Variants in SEMA6D observed in about 807,000 individuals in gnomAD.
SEMA6D encodes the protein semaphorin 6D.
A neutral mutation model predicts 106.6 loss-of-function variants in SEMA6D; 35 were observed. The ratio of observed to expected loss-of-function variants is 0.33; its 90% CI spans 0.25 to 0.44. The LOEUF (loss-of-function observed/expected upper bound fraction) is 0.44, where lower values mean the gene tolerates loss of function less well. Ranked by LOEUF, SEMA6D falls within the 20% of genes least tolerant of loss-of-function variation. The pLI is 1.00. For synonymous variants in SEMA6D, 499 were observed against 487.7 expected (o/e 1.02, Z -0.31); for missense variants, 1,185 against 1,345.9 (o/e 0.88, Z 1.87).
intron 3 of SEMA6D, among the ~76,000 whole-genome samples, chr15:47,567,702 T>C (rs1445831455): frequency 1.3e-5 from 2 of 152,204 alleles, no homozygotes; most frequent in Non-Finnish European, 1.5e-5. Flanking sequence ...TTACAGTATA[T>C]GCTTATTGCT....
At chr15:47,686,550 G>A (rs564027671) in intron 4 of SEMA6D, among the ~76,000 whole-genome samples, 1 of 152,152 alleles carries the variant, frequency 6.6e-6, no homozygotes, top group Non-Finnish European at 1.5e-5. Context: ...ATAAACAAAA[G>A]ATAGCACACA....
intron 3 of SEMA6D, among the ~76,000 whole-genome samples, chr15:47,499,068 C>A (rs1207534451): frequency 2.6e-5 from 4 of 152,116 alleles, no homozygotes; most frequent in Admixed American, 2.6e-4. Context: ...CCTTGCTGAT[C>A]ACTCTCTATG....
At chr15:47,277,907 C>A (rs1012235201) in intron 1 of SEMA6D, among the ~76,000 whole-genome samples, 3 of 151,256 alleles carry the variant, frequency 2.0e-5, no homozygotes, top group African/African-American at 4.9e-5. Context: ...ATGATGATTT[C>A]CAATTTCATC....
chr15:47,392,921 C>T (rs1443305029), intron 1 of SEMA6D, among the ~76,000 whole-genome samples: 3 of 152,030 alleles, frequency 2.0e-5, no homozygotes, highest in East Asian at 1.9e-4. Flanking sequence ...GAGAGAGACT[C>T]CTGTCCTGCA....
Position 47,474,607 on chromosome 15 carries a change from T to C in SEMA6D, c.-87+4062T>C, listed in dbSNP as rs2042951142. Reference sequence around the variant, plus strand: ...ACTCATATGTGCAGCATCCCTCTAGTAGGTACTGACTTATTAAAGCCATTT... The same window carrying C: ...ACTCATATGTGCAGCATCCCTCTAGCAGGTACTGACTTATTAAAGCCATTT... On this transcript the variant is annotated intron_variant, in intron 3 of 19. Coordinates refer to the SEMA6D transcript ENST00000558014. Among the ~76,000 whole-genome samples the C allele has an allele frequency of 4.6e-5, 7 of 152,314 alleles. No homozygotes were observed. In the South Asian group the frequency reaches 1.4e-3, roughly 32 times the overall value.
intron 3 of SEMA6D, among the ~76,000 whole-genome samples, chr15:47,575,803 A>G (rs947253459): frequency 6.6e-6 from 1 of 152,184 alleles, no homozygotes; most frequent in Admixed American, 6.5e-5. Flanking sequence ...TAAAAAATCA[A>G]TAAAACATTG....
chr15:47,241,698 GA>G lies in SEMA6D; in HGVS notation c.-239+57293del, dbSNP rs79852968. Among the ~76,000 whole-genome samples the G allele has an allele frequency of 6.2e-3, 836 of 135,440 alleles. 3 individuals are homozygous for G. The highest frequency in any genetic ancestry group is 7.4e-3 in the South Asian group (31 of 4,200). The allele number at this position is 135,440 out of a possible 152,430, so 88.9% of individuals were successfully genotyped here. A position where few individuals can be genotyped will look rare whatever the true frequency, so the allele number is the denominator to read the frequency against. On this transcript the variant is annotated intron_variant, in intron 1 of 19. Transcript: ENST00000558014. Reference sequence around the variant, plus strand: ...GGAAGGAGGGAAGAAGAAAACGATGGAAAAAAAAAAAAACCTCTTAAAAATC... The same window carrying G: ...GGAAGGAGGGAAGAAGAAAACGATGGAAAAAAAAAAAACCTCTTAAAAATC...
intron 2 of SEMA6D, among the ~76,000 whole-genome samples, chr15:47,452,085 C>A (rs1048948122): frequency 4.6e-5 from 7 of 151,924 alleles, no homozygotes; most frequent in South Asian, 2.1e-4. Flanking sequence ...TGGATAACTC[C>A]CCTACTAACC....
At chr15:47,294,851 G>T (rs1201888624) in intron 1 of SEMA6D, among the ~76,000 whole-genome samples, 1 of 152,186 alleles carries the variant, frequency 6.6e-6, no homozygotes, top group Non-Finnish European at 1.5e-5. Context: ...AATTGACAAA[G>T]ATGGAGATGA....
At chr15:47,274,123 C>G (rs1595601672) in intron 1 of SEMA6D, 1 of 152,120 alleles carries the variant, frequency 6.6e-6, no homozygotes. Context: ...AAAATGTTGT[C>G]TTGCACATCA....
rs185926930 is a variant in SEMA6D, at chr15:47,192,248, T to A, written c.-239+7830T>A. On this transcript the variant is annotated intron_variant, in intron 1 of 19. Transcript: ENST00000558014. ...AAATGGAGAACATCAGAAAGGAACT[T>A]CCATTGACACTCACTGCCACATCTA... Among the ~76,000 whole-genome samples the A allele has an allele frequency of 1.2e-3, 189 of 152,270 alleles. 1 individual carries two copies. Among genetic ancestry groups the A allele is most frequent in the African/African-American group, 4.4e-3 (183 of 41,548 alleles).
chr15:47,206,849 C>G (rs1337939347), intron 1 of SEMA6D, among the ~76,000 whole-genome samples: 1 of 152,090 alleles, frequency 6.6e-6, no homozygotes, highest in Non-Finnish European at 1.5e-5. Context: ...TCACAGCAAG[C>G]TGCTCCCACT....
At chr15:47,404,672 C>T (rs1434915609) in intron 1 of SEMA6D, among the ~76,000 whole-genome samples, 1 of 152,118 alleles carries the variant, frequency 6.6e-6, no homozygotes, top group Non-Finnish European at 1.5e-5. Flanking sequence ...TTCTTTTTCT[C>T]CAGTATCATC....
chr15:47,324,509 T>G (rs918239121), intron 1 of SEMA6D, among the ~76,000 whole-genome samples: 2 of 152,030 alleles, frequency 1.3e-5, no homozygotes, highest in Non-Finnish European at 2.9e-5. Flanking sequence ...CAGCACTCCA[T>G]AGGGAAAATG....
chr15:47,260,097 ATATT>A (rs2034001787), intron 1 of SEMA6D, among the ~76,000 whole-genome samples: 1 of 150,914 alleles, frequency 6.6e-6, no homozygotes, highest in African/African-American at 2.4e-5. Flanking sequence ...TTTCTACTTT[ATATT>A]TGTTTCAAGA....
intron 3 of SEMA6D, among the ~76,000 whole-genome samples, chr15:47,547,733 C>A (rs2045566756): frequency 6.6e-6 from 1 of 152,052 alleles, no homozygotes. Flanking sequence ...CTTAGAAAAC[C>A]AGCCACGTTG....
intron 4 of SEMA6D, among the ~76,000 whole-genome samples, chr15:47,708,737 C>T (rs1167675156): frequency 2.0e-5 from 3 of 152,260 alleles, no homozygotes; most frequent in East Asian, 3.9e-4. Context: ...AATAAAGTTA[C>T]ATGGTGAGAT....
intron 1 of SEMA6D, among the ~76,000 whole-genome samples, chr15:47,312,146 G>T (rs200187211): frequency 7.0e-6 from 1 of 142,234 alleles, no homozygotes. Context: ...TCTTTCTAGG[G>T]TTTTTTTTTT....
intron 3 of SEMA6D, among the ~76,000 whole-genome samples, chr15:47,531,577 A>G (rs2044969217): frequency 6.6e-6 from 1 of 152,218 alleles, no homozygotes; most frequent in East Asian, 1.9e-4. Context: ...CTCCTTTTTG[A>G]CAAATGAATT....
Sources: gnomAD v4.1 joint callset for allele counts (sites outside exome capture counted in the v4.1 genomes callset) on GRCh38, gnomAD v4.1.1 for gene constraint, MANE v1.5 for transcripts, NCBI Gene and HGNC (gene_info 2026-07-23, HGNC 2026-07-21) for gene names.